Variants in WSCD2 observed in about 807,000 individuals in gnomAD.
WSCD2 encodes the protein sialate:O-sulfotransferase 2.
In WSCD2, 28 loss-of-function variants were observed where a neutral mutation model predicts 55.7. That is an observed-to-expected ratio of 0.50 (90% CI 0.37 to 0.69). The LOEUF (loss-of-function observed/expected upper bound fraction) is 0.69, where lower values mean the gene tolerates loss of function less well. Ranked by LOEUF, WSCD2 falls within the 30% of genes least tolerant of loss-of-function variation. The probability of loss-of-function intolerance (pLI) is 0.00; values close to 1 mark genes in which losing one functional copy is unlikely to be tolerated. For synonymous variants in WSCD2, 301 were observed against 301.9 expected (o/e 1.00, Z 0.03); for missense variants, 616 against 762.1 (o/e 0.81, Z 2.26).
intron 1 of WSCD2, among the ~76,000 whole-genome samples, chr12:108,165,260 T>G (rs1437879462): frequency 1.3e-5 from 2 of 152,172 alleles, no homozygotes; most frequent in African/African-American, 2.4e-5. Flanking sequence ...AGCTCCAGAG[T>G]TCAGGTCCTG....
chr12:108,182,911 G>A (rs542552903), intron 1 of WSCD2, among the ~76,000 whole-genome samples: 2 of 151,946 alleles, frequency 1.3e-5, no homozygotes, highest in Non-Finnish European at 2.9e-5. Context: ...GGATCCTAGC[G>A]TGGAACCTCA....
At chr12:108,178,353 A>T (rs1362896890) in intron 1 of WSCD2, among the ~76,000 whole-genome samples, 2 of 152,128 alleles carry the variant, frequency 1.3e-5, no homozygotes, top group African/African-American at 4.8e-5. Context: ...CCCCCCTAAT[A>T]AAAAGTATAA....
At position 108,240,664 on chromosome 12, in the gene WSCD2, C is replaced by A. The variant is rs767954728; in HGVS notation, c.1345+120C>A. ...GGAGGCAATGCCTCATGCGAGGAAC[C>A]CTGGAGGACATCCTGGAGGGCGCGT... On this transcript the variant is annotated intron_variant, in intron 8 of 8. Coordinates refer to ENST00000547525, the MANE Select transcript of WSCD2 (RefSeq NM_014653.4). 8.3e-4 allele frequency: 979 copies of A among 1,186,196 alleles called. 1 individual carries two copies. Among genetic ancestry groups the A allele is most frequent in the Admixed American group, 2.5e-3 (106 of 42,090 alleles). The allele number at this position is 1,186,196 out of a possible 1,614,324, so 73.5% of individuals were successfully genotyped here. A position where few individuals can be genotyped will look rare whatever the true frequency, so the allele number is the denominator to read the frequency against.
At chr12:108,172,407 C>A (rs1462306816) in intron 1 of WSCD2, among the ~76,000 whole-genome samples, 1 of 152,206 alleles carries the variant, frequency 6.6e-6, no homozygotes, top group African/African-American at 2.4e-5. Context: ...GCCAGATATA[C>A]TGGGCTAAAG....
chr12:108,248,592 G>A lies in WSCD2; in HGVS notation c.*249G>A, dbSNP rs1890251531. On this transcript the variant is annotated 3_prime_UTR_variant, in exon 9 of 9. Transcript: ENST00000547525. The surrounding 1 kb of genome is among the most constrained non-coding windows in gnomAD (Gnocchi z 4.3). Reference sequence around the variant, plus strand: ...GGGGCATCTTGTTTAGGGGGTTCTAGTTACATGGACTCTTTTCTGTCTCCT... The same window carrying A: ...GGGGCATCTTGTTTAGGGGGTTCTAATTACATGGACTCTTTTCTGTCTCCT... The A allele has an allele frequency of 2.3e-6, 3 of 1,291,226 alleles. No homozygotes were observed. The South Asian group carries it at 6.5e-5, about 28-fold the overall frequency. 80.0% of individuals were successfully genotyped at this position (1,291,226 alleles called of 1,614,324 possible).
Position 108,216,782 on chromosome 12 carries a change from AT to A in WSCD2, c.682+6486del, listed in dbSNP as rs369133290. 3.3e-5 allele frequency among the ~76,000 whole-genome samples: 5 copies of A among 151,700 alleles called. No homozygotes were observed. In the East Asian group the frequency reaches 5.8e-4, roughly 18 times the overall value. On this transcript the variant is annotated intron_variant, in intron 4 of 8. Transcript: ENST00000547525. The stretch of plus-strand genomic sequence containing the variant: ...CACCTGAGGAGCAGAAAGCTGCTGT[AT>A]TTTTTTTTCCTCCAACTCTCATCCA...
chr12:108,248,549 T>A lies in WSCD2; in HGVS notation c.*206T>A. On this transcript the variant is annotated 3_prime_UTR_variant, in exon 9 of 9. Transcript: ENST00000547525. This position sits in a 1 kb window ranked among gnomAD's most constrained non-coding sequence, Gnocchi z 4.3. ...CAGGCACTACCACTCTGCTCACATGTTCCCCCCTTGGCAATGTGGGGCATC... is the reference window on the plus strand; with the variant it reads ...CAGGCACTACCACTCTGCTCACATGATCCCCCCTTGGCAATGTGGGGCATC... The A allele has an allele frequency of 7.2e-7, 1 of 1,380,732 alleles. No individual in the cohort carries two copies. Among genetic ancestry groups the A allele is most frequent in the Non-Finnish European group, 9.4e-7 (1 of 1,068,176 alleles). The allele number at this position is 1,380,732 out of a possible 1,614,324, so 85.5% of individuals were successfully genotyped here.
rs10665482 is a variant in WSCD2 at position 108,250,199 on chromosome 12, T to TGG, written c.*1856_*1857insGG. The TGG allele has an allele frequency of 1.4e-5, 2 of 147,844 alleles. No individual in the cohort carries two copies. The highest frequency in any genetic ancestry group is 3.0e-5 in the Non-Finnish European group (2 of 67,146). 9.2% of individuals were successfully genotyped at this position (147,844 alleles called of 1,614,324 possible). A position where few individuals can be genotyped will look rare whatever the true frequency, so the allele number is the denominator to read the frequency against. On this transcript the variant is annotated 3_prime_UTR_variant, in exon 9 of 9. Transcript: ENST00000547525. ...GTGTGTGTGTGTGTGTGTGTGTGTG[T>TGG]ATGAGAGAGAGAGAGAGAGACAACA...
Position 108,248,397 on chromosome 12 carries a change from G to A in WSCD2, c.*54G>A. 1 of 1,561,138 alleles carries A rather than the reference G, an allele frequency of 6.4e-7. No individual in the cohort carries two copies. The highest frequency in any genetic ancestry group is 8.7e-7 in the Non-Finnish European group (1 of 1,151,408). ...GGAGTCCTGACCACGCAGGCCCTGGGGACTCAAGACCCCTGGTTACCCCCA... is the reference window on the plus strand; with the variant it reads ...GGAGTCCTGACCACGCAGGCCCTGGAGACTCAAGACCCCTGGTTACCCCCA... On this transcript the variant is annotated 3_prime_UTR_variant, in exon 9 of 9. Coordinates refer to ENST00000547525, the MANE Select transcript of WSCD2 (RefSeq NM_014653.4). The surrounding 1 kb of genome is among the most constrained non-coding windows in gnomAD (Gnocchi z 4.3).
At chr12:108,155,910 G>C (rs2136925813) in intron 1 of WSCD2, among the ~76,000 whole-genome samples, 1 of 152,316 alleles carries the variant, frequency 6.6e-6, no homozygotes, top group East Asian at 1.9e-4. Flanking sequence ...TCAGGGAACT[G>C]TTGGAGACCC....
rs113409001 is a variant in WSCD2, at chr12:108,173,810, C to CTGTGTGTGTGTGTGTGTGTG, written c.-551-21446_-551-21427dup. On this transcript the variant is annotated intron_variant, in intron 1 of 8. Coordinates refer to ENST00000547525, the MANE Select transcript of WSCD2 (RefSeq NM_014653.4). The stretch of plus-strand genomic sequence containing the variant: ...TGAGGCAGAGCTGATTCCTGGCTCT[C>CTGTGTGTGTGTGTGTGTGTG]TGTGTGTGTGTGTGTGTGTGTGTGT... Among the ~76,000 whole-genome samples, 362 of 131,206 alleles carry CTGTGTGTGTGTGTGTGTGTG rather than the reference C, an allele frequency of 2.8e-3. 5 individuals carry two copies. Among genetic ancestry groups the CTGTGTGTGTGTGTGTGTGTG allele is most frequent in the Non-Finnish European group, 3.5e-3 (221 of 62,400 alleles). The allele number at this position is 131,206 out of a possible 152,430, so 86.1% of individuals were successfully genotyped here. A position where few individuals can be genotyped will look rare whatever the true frequency, so the allele number is the denominator to read the frequency against.
chr12:108,246,084 GCCTGGGAAAGATCCATCCTGGAA>G (rs972866258), intron 8 of WSCD2, among the ~76,000 whole-genome samples: 2 of 152,246 alleles, frequency 1.3e-5, no homozygotes, highest in African/African-American at 4.8e-5. Context: ...GGCTGCTGGT[GCCTGGGAAAGATCCATCCTGGAA>G]CCAGGCAGGC....
intron 1 of WSCD2, among the ~76,000 whole-genome samples, chr12:108,188,783 T>C (rs1882822240): frequency 6.6e-6 from 1 of 152,172 alleles, no homozygotes; most frequent in Non-Finnish European, 1.5e-5. Flanking sequence ...GAGGGATTAG[T>C]GGTTAAGACA....
intron 2 of WSCD2, among the ~76,000 whole-genome samples, chr12:108,197,676 T>G (rs984545798): frequency 6.6e-5 from 10 of 151,866 alleles, no homozygotes; most frequent in Admixed American, 2.0e-4. Flanking sequence ...ATAGGTGAGG[T>G]GTGAAGTGCT....
intron 1 of WSCD2, among the ~76,000 whole-genome samples, chr12:108,179,081 C>T (rs1422492268): frequency 6.6e-6 from 1 of 152,208 alleles, no homozygotes; most frequent in Non-Finnish European, 1.5e-5. Context: ...GAGGATCAAA[C>T]TCTGAGTTTT....
chr12:108,186,933 T>C (rs1210973280), intron 1 of WSCD2, among the ~76,000 whole-genome samples: 2 of 152,146 alleles, frequency 1.3e-5, no homozygotes, highest in Non-Finnish European at 2.9e-5. Context: ...TCTCGGGTCC[T>C]TTGTCTCTTC....
chr12:108,152,543 G>A (rs1485968704), intron 1 of WSCD2, among the ~76,000 whole-genome samples: 1 of 152,168 alleles, frequency 6.6e-6, no homozygotes, highest in Non-Finnish European at 1.5e-5. Context: ...CATTAGGGAT[G>A]ATGACGAACT....
intron 7 of WSCD2, 114 bp downstream of exon 7, chr12:108,233,009 T>C: frequency 7.1e-7 from 1 of 1,399,114 alleles, no homozygotes; most frequent in Non-Finnish European, 9.6e-7. Flanking sequence ...CACTCAGCTC[T>C]CCCAGGCACA....
intron 6 of WSCD2, among the ~76,000 whole-genome samples, chr12:108,228,257 A>T (rs958753191): frequency 6.6e-6 from 1 of 152,194 alleles, no homozygotes; most frequent in African/African-American, 2.4e-5. Context: ...ATATCTGAAT[A>T]TATTGACCAT....
Sources: allele counts gnomAD v4.1 joint callset (sites outside exome capture counted in the v4.1 genomes callset), GRCh38; gene constraint gnomAD v4.1.1; non-coding constraint Gnocchi (gnomAD v3.1); transcripts MANE v1.5; gene names NCBI Gene and HGNC (gene_info 2026-07-23, HGNC 2026-07-21).